PCDHGA3: variants seen among roughly 807,000 people sequenced by gnomAD.
PCDHGA3 encodes protocadherin gamma subfamily A, 3.
A neutral mutation model predicts 58.5 loss-of-function variants in PCDHGA3; 40 were observed. The ratio of observed to expected loss-of-function variants is 0.68; its 90% CI spans 0.53 to 0.89. The LOEUF (loss-of-function observed/expected upper bound fraction) is 0.89. Ranked by LOEUF, PCDHGA3 falls within the 40% of genes least tolerant of loss-of-function variation. The pLI, the probability that PCDHGA3 is intolerant of heterozygous loss-of-function variation, is 0.00. For synonymous variants in PCDHGA3, 530 were observed against 525.7 expected, an observed-to-expected ratio of 1.01 and a Z score of -0.11; for missense variants, 1,223 against 1,195.9, an observed-to-expected ratio of 1.02 and a Z score of -0.33.
intron 1 of PCDHGA3, chr5:141,409,789 G>C (rs1390138666): frequency 1.2e-6 from 2 of 1,611,918 alleles, no homozygotes; most frequent in African/African-American, 2.7e-5. Context: ...GCGCCTTCGC[G>C]CTCACGCTGC....
At chr5:141,372,605 T>G in intron 1 of PCDHGA3, 5 of 1,614,050 alleles carry the variant, frequency 3.1e-6, no homozygotes, top group Non-Finnish European at 4.2e-6. Flanking sequence ...AGACTGTACC[T>G]GGAGTTCTCC....
At chr5:141,417,740 C>A (rs2096156298) in intron 1 of PCDHGA3, 3 of 1,413,210 alleles carry the variant, frequency 2.1e-6, no homozygotes, top group East Asian at 2.5e-5. Flanking sequence ...CCCAGCACAC[C>A]AGATTGCCAG....
At chr5:141,349,071 A>T (rs1758229272) in intron 1 of PCDHGA3, among the ~76,000 whole-genome samples, 3 of 151,980 alleles carry the variant, frequency 2.0e-5, no homozygotes, top group African/African-American at 7.2e-5. Context: ...GAGAATTGGC[A>T]TTATAGAGAA....
chr5:141,360,365 T>C, intron 1 of PCDHGA3: 1 of 1,613,840 alleles, frequency 6.2e-7, no homozygotes, highest in Non-Finnish European at 8.5e-7. Flanking sequence ...TATTTCACAG[T>C]AAACCCAGAA....
At chr5:141,395,234 T>C in intron 1 of PCDHGA3, 1 of 1,601,772 alleles carries the variant, frequency 6.2e-7, no homozygotes, top group Non-Finnish European at 8.5e-7. Flanking sequence ...CTGATCATGG[T>C]CAGGTGAGTT....
At chr5:141,409,869 A>G (rs2095329006) in intron 1 of PCDHGA3, 2 of 1,612,632 alleles carry the variant, frequency 1.2e-6, no homozygotes, top group African/African-American at 1.3e-5. Context: ...GGAGACCGCA[A>G]TGACAACGCA....
intron 1 of PCDHGA3, among the ~76,000 whole-genome samples, chr5:141,386,748 G>T (rs1033565005): frequency 6.6e-6 from 1 of 152,190 alleles, no homozygotes; most frequent in African/African-American, 2.4e-5. Flanking sequence ...TCCTATGGCA[G>T]AACTACGGTT....
At chr5:141,430,179 A>G (rs2097264770) in intron 1 of PCDHGA3, among the ~76,000 whole-genome samples, 1 of 152,158 alleles carries the variant, frequency 6.6e-6, no homozygotes, top group Admixed American at 6.5e-5. Flanking sequence ...ATTTTCCCCA[A>G]ATTATAGCTG....
At chr5:141,394,982 C>T (rs754667421) in intron 1 of PCDHGA3, 16 of 1,613,866 alleles carry the variant, frequency 9.9e-6, no homozygotes, top group Non-Finnish European at 1.3e-5. Context: ...ACAAGTCACG[C>T]CTGCTCCAGG....
chr5:141,430,594 C>T, intron 1 of PCDHGA3: 3 of 563,604 alleles, frequency 5.3e-6, no homozygotes, highest in Non-Finnish European at 5.7e-6. Flanking sequence ...GCCTTGCACG[C>T]GCCTGAAGCA....
intron 1 of PCDHGA3, chr5:141,468,541 A>G (rs1407685120): frequency 6.6e-6 from 1 of 152,076 alleles, no homozygotes. Context: ...GTTTCCTGAC[A>G]TATTTAACAT....
chr5:141,404,165 T>G, intron 1 of PCDHGA3: 1 of 1,613,246 alleles, frequency 6.2e-7, no homozygotes, highest in Non-Finnish European at 8.5e-7. Flanking sequence ...TTACAGATTG[T>G]TGACGGCCCA....
chr5:141,384,719 T>A (rs758469916), intron 1 of PCDHGA3: 1 of 1,614,100 alleles, frequency 6.2e-7, no homozygotes, highest in Non-Finnish European at 8.5e-7. Context: ...CTGTCATACC[T>A]CCTGCTTAAG....
chr5:141,500,340 C>T (rs188966393), intron 2 of PCDHGA3, among the ~76,000 whole-genome samples: 1 of 151,950 alleles, frequency 6.6e-6, no homozygotes, highest in East Asian at 1.9e-4. Flanking sequence ...TCCAGAATAG[C>T]TGGGACTACA....
At chr5:141,383,304 G>A (rs1779007855) in intron 1 of PCDHGA3, 1 of 1,613,918 alleles carries the variant, frequency 6.2e-7, no homozygotes, top group Non-Finnish European at 8.5e-7. Context: ...GATTCTTGAC[G>A]GAAGAAATAA....
At chr5:141,360,035 G>T in intron 1 of PCDHGA3, 13 of 1,406,270 alleles carry the variant, frequency 9.2e-6, no homozygotes, top group Non-Finnish European at 1.2e-5. Context: ...TATAGATTCG[G>T]AAACAGAAAA....
intron 1 of PCDHGA3, chr5:141,419,779 GCGCCTGCTAGT>G: frequency 6.2e-7 from 1 of 1,614,064 alleles, no homozygotes; most frequent in Non-Finnish European, 8.5e-7. Flanking sequence ...CGGTCCGCCA[GCGCCTGCTAGT>G]CGCTGTAAGA....
intron 1 of PCDHGA3, chr5:141,398,025 A>T (rs1481347884): frequency 1.4e-6 from 2 of 1,445,136 alleles, no homozygotes; most frequent in Non-Finnish European, 1.8e-6. Flanking sequence ...CTAAACTGGA[A>T]CTGGAACTAA....
intron 1 of PCDHGA3, chr5:141,351,360 T>A: frequency 6.2e-7 from 1 of 1,613,050 alleles, no homozygotes; most frequent in Non-Finnish European, 8.5e-7. Context: ...CTCATAAAAG[T>A]GCGAGACAAG....
Sources: allele counts gnomAD v4.1 joint callset (sites outside exome capture counted in the v4.1 genomes callset), GRCh38; gene constraint gnomAD v4.1.1; transcripts MANE v1.5; gene names NCBI Gene and HGNC (gene_info 2026-07-23, HGNC 2026-07-21).